The following USP39 variants were observed in gnomAD, a reference collection of about 807,000 sequenced individuals.
USP39 encodes the protein ubiquitin carboxyl-terminal hydrolase 39.
USP39 carries 38 observed loss-of-function variants against 66.4 expected under a neutral mutation model. The observed-to-expected ratio is 0.57, with a 90% CI of 0.44 to 0.75. The LOEUF (loss-of-function observed/expected upper bound fraction) is 0.75. Among genes scored for constraint, USP39 ranks in the 30% least tolerant of loss-of-function variants. The pLI, the probability that USP39 is intolerant of heterozygous loss-of-function variation, is 0.00. For synonymous variants in USP39, 303 were observed against 274.6 expected (o/e 1.10, Z -1.02); for missense variants, 608 against 714.4 (o/e 0.85, Z 1.70).
chr2:85,640,054 G>T (rs1676107708), intron 9 of USP39, among the ~76,000 whole-genome samples: 1 of 151,254 alleles, frequency 6.6e-6, no homozygotes, highest in East Asian at 1.9e-4. Flanking sequence ...AAGTATTTTT[G>T]TAGAGAGAGT....
intron 2 of USP39, among the ~76,000 whole-genome samples, chr2:85,620,466 G>C (rs1375303608): frequency 6.6e-6 from 1 of 151,004 alleles, no homozygotes; most frequent in Admixed American, 6.6e-5. Flanking sequence ...ATGACAAAGT[G>C]AGACCCTATC....
At chr2:85,631,856 C>A (rs983261636) in intron 6 of USP39, among the ~76,000 whole-genome samples, 4 of 152,054 alleles carry the variant, frequency 2.6e-5, no homozygotes, top group African/African-American at 9.7e-5. Context: ...TCAAGGGATT[C>A]TCCTGCCTCA....
At chr2:85,617,300 A>G (rs1472866674) in intron 1 of USP39, among the ~76,000 whole-genome samples, 1 of 152,136 alleles carries the variant, frequency 6.6e-6, no homozygotes, top group East Asian at 1.9e-4. Context: ...TGTAATCAAG[A>G]TATTCAGAAT....
chr2:85,610,764 T>G (rs887058272), upstream of USP39: 2 of 150,106 alleles, frequency 1.3e-5, no homozygotes, highest in African/African-American at 4.9e-5. Flanking sequence ...CTCTCTCTTT[T>G]TTTTTTTTTT....
intron 9 of USP39, among the ~76,000 whole-genome samples, chr2:85,640,570 T>C (rs1472307056): frequency 6.6e-6 from 1 of 151,652 alleles, no homozygotes; most frequent in Admixed American, 6.6e-5. Context: ...ATTACAGGCA[T>C]GAGCCACCGT....
chr2:85,608,798 G>A, upstream of USP39: 1 of 979,832 alleles, frequency 1.0e-6, no homozygotes, highest in Non-Finnish European at 1.5e-6. Flanking sequence ...GGCAGGCCAG[G>A]TGTAGTCCTG....
In USP39 at chr2:85,637,453, T is replaced by C. The variant is rs760363132; in HGVS notation, c.1095+17T>C. 2.5e-6 allele frequency: 4 copies of C among 1,613,556 alleles called. 1 individual carries two copies. Among genetic ancestry groups the C allele is most frequent in the Non-Finnish European group, 3.4e-6 (4 of 1,179,444 alleles). On this transcript the variant is annotated intron_variant, in intron 8 of 12. Coordinates refer to ENST00000323701, the MANE Select transcript of USP39 (RefSeq NM_006590.4). ...CCTGATCTGGTGAGTTAATTGAGCC[T>C]GGGTCTTGGACTGATTCATATTGCT...
chr2:85,616,617 TGTTC>T (rs1317829268), intron 1 of USP39, among the ~76,000 whole-genome samples, 154 bp downstream of exon 1: 1 of 151,804 alleles, frequency 6.6e-6, no homozygotes, highest in Non-Finnish European at 1.5e-5. Context: ...ACGATTCTGC[TGTTC>T]GACTTGTTCT....
chr2:85,643,651 T>G (rs1022887295), intron 10 of USP39, among the ~76,000 whole-genome samples: 1 of 52,316 alleles, frequency 1.9e-5, no homozygotes, highest in African/African-American at 3.0e-4. Context: ...ATATCTCCTT[T>G]TTTTTTTTTT....
At chr2:85,642,885 T>C (rs1457194164) in intron 10 of USP39, among the ~76,000 whole-genome samples, 1 of 152,134 alleles carries the variant, frequency 6.6e-6, no homozygotes, top group Non-Finnish European at 1.5e-5. Flanking sequence ...AGTTTCACTT[T>C]CAGGTAATTA....
upstream of USP39, among the ~76,000 whole-genome samples, chr2:85,615,123 C>G (rs1056247487): frequency 3.9e-5 from 6 of 151,992 alleles, no homozygotes; most frequent in Non-Finnish European, 7.4e-5. Context: ...CGGGTTCAAG[C>G]GATTCTCCTG....
At chr2:85,644,642 T>G (rs1175025081) in intron 10 of USP39, among the ~76,000 whole-genome samples, 1 of 152,022 alleles carries the variant, frequency 6.6e-6, no homozygotes, top group East Asian at 1.9e-4. Context: ...AGGCTGGCCT[T>G]GAACTCCTGG....
At chr2:85,617,044 C>T (rs562791658) in intron 1 of USP39, among the ~76,000 whole-genome samples, 3 of 151,020 alleles carry the variant, frequency 2.0e-5, no homozygotes, top group East Asian at 1.9e-4. Flanking sequence ...TTCCCTTTAT[C>T]GAATGCCCGA....
upstream of USP39, chr2:85,607,816 G>A (rs1673272449): frequency 6.6e-6 from 1 of 152,206 alleles, no homozygotes; most frequent in African/African-American, 2.4e-5. Context: ...GTACTGGAGG[G>A]GGAGGATGTC....
intron 9 of USP39, among the ~76,000 whole-genome samples, chr2:85,640,172 A>G (rs974432290): frequency 9.2e-5 from 14 of 152,126 alleles, no homozygotes; most frequent in Admixed American, 7.9e-4. Flanking sequence ...GCCCAACCAC[A>G]GTGCCCCCTC....
At chr2:85,625,427 T>C in intron 4 of USP39, 112 bp from the exon 5 acceptor site, 1 of 1,383,110 alleles carries the variant, frequency 7.2e-7, no homozygotes, top group South Asian at 1.2e-5. Context: ...TTTTTCTGTG[T>C]GTGGTGGGAT....
upstream of USP39, among the ~76,000 whole-genome samples, chr2:85,613,955 G>T (rs377059445): frequency 1.1e-4 from 17 of 151,422 alleles, no homozygotes; most frequent in East Asian, 2.4e-3. Context: ...GTGGAGATGG[G>T]GGGGGTCTCT....
chr2:85,615,130 C>T (rs1181536357), upstream of USP39, among the ~76,000 whole-genome samples: 1 of 152,066 alleles, frequency 6.6e-6, no homozygotes, highest in Admixed American at 6.6e-5. Flanking sequence ...AAGCGATTCT[C>T]CTGCCTCAGC....
chr2:85,603,745 A>T (rs1673099355), intron 1 of USP39, among the ~76,000 whole-genome samples: 1 of 151,386 alleles, frequency 6.6e-6, no homozygotes, highest in South Asian at 2.1e-4. Context: ...GGCGCCCGCC[A>T]CCTCACCCGG....
Sources: gnomAD v4.1 joint callset for allele counts (sites outside exome capture counted in the v4.1 genomes callset) on GRCh38, gnomAD v4.1.1 for gene constraint, MANE v1.5 for transcripts, NCBI Gene and HGNC (gene_info 2026-07-23, HGNC 2026-07-21) for gene names.